Variants in OPCML observed in about 807,000 individuals in gnomAD.
OPCML encodes opioid binding protein/cell adhesion molecule like.
OPCML carries 13 observed loss-of-function variants against 37.8 expected under a neutral mutation model. That is an observed-to-expected ratio of 0.34 (90% confidence interval 0.22 to 0.55). The LOEUF (loss-of-function observed/expected upper bound fraction) is 0.55. Ranked by LOEUF, OPCML falls within the 20% of genes least tolerant of loss-of-function variation. The probability of loss-of-function intolerance (pLI) is 0.91; values close to 1 mark genes in which losing one functional copy is unlikely to be tolerated. For synonymous variants in OPCML, 176 were observed against 168.8 expected, an observed-to-expected ratio of 1.04 and a Z score of -0.33; for missense variants, 341 against 435.6, an observed-to-expected ratio of 0.78 and a Z score of 1.93.
At chr11:132,796,725 C>T (rs1469388518) in intron 2 of OPCML, among the ~76,000 whole-genome samples, 12 of 151,944 alleles carry the variant, frequency 7.9e-5, no homozygotes. Flanking sequence ...CTACAGGCGC[C>T]AGCCGCCACG....
chr11:133,136,828 C>CGTGTGTGTGTGTGTGTGTGTGT (rs141952561), intron 1 of OPCML, among the ~76,000 whole-genome samples: 2 of 126,372 alleles, frequency 1.6e-5, no homozygotes, highest in Middle Eastern at 4.1e-3. Flanking sequence ...TCTATGTGCA[C>CGTGTGTGTGTGTGTGTGTGTGT]GTGTGTGTGT....
chr11:133,115,177 G>T (rs1949313493), intron 1 of OPCML, among the ~76,000 whole-genome samples: 1 of 152,204 alleles, frequency 6.6e-6, no homozygotes, highest in Non-Finnish European at 1.5e-5. Flanking sequence ...GAGCCGCTCA[G>T]CAAAGCTACC....
chr11:133,437,849 G>A (rs922059143), intron 1 of OPCML, among the ~76,000 whole-genome samples: 3 of 151,912 alleles, frequency 2.0e-5, no homozygotes, highest in South Asian at 2.1e-4. Context: ...AAAATGATCC[G>A]AGATTTTTAT....
At chr11:133,380,881 A>G (rs1944915049) in intron 1 of OPCML, among the ~76,000 whole-genome samples, 2 of 152,180 alleles carry the variant, frequency 1.3e-5, no homozygotes, top group Admixed American at 6.5e-5. Flanking sequence ...GATGACAGAA[A>G]CCTGAGGCCC....
Position 132,419,514 on chromosome 11 carries a change from A to C in OPCML, c.*679T>G, listed in dbSNP as rs2095950041. The C allele has an allele frequency of 6.6e-6, 1 of 152,158 alleles. No homozygotes were observed. Among genetic ancestry groups the C allele is most frequent in the African/African-American group, 2.4e-5 (1 of 41,430 alleles). 9.4% of individuals were successfully genotyped at this position (152,158 alleles called of 1,614,324 possible). On this transcript the variant is annotated 3_prime_UTR_variant, in exon 8 of 8. Transcript: ENST00000524381. ...CTTTTTTGGTTACTTGACTTGCAAA[A>C]TTTAGTGTTGGGTTTCATGCATAGC... is the stretch of plus-strand genomic sequence containing the variant.
At chr11:133,216,784 ACAAATATATACT>A (rs572275507) in intron 1 of OPCML, among the ~76,000 whole-genome samples, 210 of 152,334 alleles carry the variant, frequency 1.4e-3, no homozygotes, top group African/African-American at 4.8e-3. Context: ...ATGCATATGA[ACAAATATATACT>A]CAAATATATA....
intron 4 of OPCML, among the ~76,000 whole-genome samples, chr11:132,469,300 G>T (rs1400465662): frequency 6.6e-6 from 1 of 152,268 alleles, no homozygotes; most frequent in South Asian, 2.1e-4. Flanking sequence ...AACTGGGTGC[G>T]ACATGGAGAG....
chr11:133,188,772 A>G (rs1270565113), intron 1 of OPCML, among the ~76,000 whole-genome samples: 1 of 152,180 alleles, frequency 6.6e-6, no homozygotes, highest in African/African-American at 2.4e-5. Context: ...TCTATAAATT[A>G]TCCTTGCTAG....
At chr11:132,970,909 T>G (rs1312782666) in intron 1 of OPCML, among the ~76,000 whole-genome samples, 1 of 152,212 alleles carries the variant, frequency 6.6e-6, no homozygotes, top group African/African-American at 2.4e-5. Context: ...ATTCCCTACC[T>G]TATGTTCTCT....
At chr11:133,084,545 A>G (rs1282052378) in intron 1 of OPCML, among the ~76,000 whole-genome samples, 2 of 152,164 alleles carry the variant, frequency 1.3e-5, no homozygotes, top group Non-Finnish European at 2.9e-5. Context: ...CTCCTTTAAA[A>G]TGAAATTGAA....
rs550792429 is a variant in OPCML at position 133,505,217 on chromosome 11, G to C, written c.61+27047C>G. Among the ~76,000 whole-genome samples, 3 of 152,336 alleles carry C rather than the reference G, an allele frequency of 2.0e-5. No homozygotes were observed. In the East Asian group the frequency reaches 5.8e-4, roughly 29 times the overall value. ...ATAGTTTCAGTGCTTATTGGGAAGG[G>C]ATTAAGACCTGGCCTTTTGAGATGG... On this transcript the variant is annotated intron_variant, in intron 1 of 7. Coordinates refer to ENST00000524381, the MANE Select transcript of OPCML (RefSeq NM_001012393.5).
chr11:133,511,569 C>T (rs1414911300), intron 1 of OPCML, among the ~76,000 whole-genome samples: 1 of 152,114 alleles, frequency 6.6e-6, no homozygotes, highest in Non-Finnish European at 1.5e-5. Flanking sequence ...GCCTGGAATG[C>T]CCTTTCCAAA....
intron 1 of OPCML, among the ~76,000 whole-genome samples, chr11:133,235,961 A>T (rs1423350604): frequency 6.6e-6 from 1 of 152,024 alleles, no homozygotes; most frequent in East Asian, 1.9e-4. Flanking sequence ...TAGTTCCAAG[A>T]CTCCCAGCGG....
chr11:132,508,409 C>A (rs1002036308), intron 4 of OPCML, among the ~76,000 whole-genome samples: 6 of 152,074 alleles, frequency 3.9e-5, no homozygotes, highest in African/African-American at 1.4e-4. Flanking sequence ...GGTTGGTCTA[C>A]CATTAAAAAA....
Position 132,418,454 on chromosome 11 carries a change from C to T in OPCML, c.*1739G>A, listed in dbSNP as rs1193188910. On this transcript the variant is annotated 3_prime_UTR_variant, in exon 8 of 8. Coordinates refer to ENST00000524381, the MANE Select transcript of OPCML (RefSeq NM_001012393.5). ...TTGAACCTGAAGAGCTGGTGAAGTT[C>T]TTCCCCAAAGCCATTGGAGAAGCAG... 5 of 152,668 alleles carry T rather than the reference C, an allele frequency of 3.3e-5. No individual in the cohort carries two copies. Among genetic ancestry groups the T allele is most frequent in the Admixed American group, 6.5e-5 (1 of 15,288 alleles). The allele number at this position is 152,668 out of a possible 1,614,324, so 9.5% of individuals were successfully genotyped here.
intron 1 of OPCML, among the ~76,000 whole-genome samples, chr11:133,215,299 T>A (rs1939539446): frequency 6.6e-6 from 1 of 152,178 alleles, no homozygotes; most frequent in South Asian, 2.1e-4. Flanking sequence ...AGGCCACTAA[T>A]CACGGGGTTT....
chr11:132,780,661 C>A (rs1214248259), intron 2 of OPCML, among the ~76,000 whole-genome samples: 1 of 152,148 alleles, frequency 6.6e-6, no homozygotes, highest in Non-Finnish European at 1.5e-5. Flanking sequence ...TTATGAAAAC[C>A]AGTAAGTAGT....
Position 132,871,583 on chromosome 11 carries a change from C to A in OPCML, c.146+71343G>T, listed in dbSNP as rs543604119. 1.5e-4 allele frequency among the ~76,000 whole-genome samples: 23 copies of A among 152,260 alleles called. No individual in the cohort carries two copies. In the South Asian group the frequency reaches 3.9e-3, roughly 26 times the overall value. On this transcript the variant is annotated intron_variant, in intron 2 of 7. Coordinates refer to ENST00000524381, the MANE Select transcript of OPCML (RefSeq NM_001012393.5). ...GTCCTGGAACCAATCCCCATGGATGCGGCATAGCACTAAATAGATGTAGTT... is the reference window on the plus strand; with the variant it reads ...GTCCTGGAACCAATCCCCATGGATGAGGCATAGCACTAAATAGATGTAGTT...
intron 1 of OPCML, among the ~76,000 whole-genome samples, chr11:133,099,227 G>C (rs185286475): frequency 6.6e-6 from 1 of 151,578 alleles, no homozygotes; most frequent in South Asian, 2.1e-4. Flanking sequence ...AGAGTCAATA[G>C]TCTCCGAAAC....
Sources: allele counts gnomAD v4.1 joint callset (sites outside exome capture counted in the v4.1 genomes callset), GRCh38; gene constraint gnomAD v4.1.1; transcripts MANE v1.5; gene names NCBI Gene and HGNC (gene_info 2026-07-23, HGNC 2026-07-21).